The following DAAM1 variants were observed in gnomAD, a reference collection of about 807,000 sequenced individuals.
The protein encoded by DAAM1 is dishevelled associated activator of morphogenesis 1, also known as disheveled-associated activator of morphogenesis 1.
In DAAM1, 52 loss-of-function variants were observed where a neutral mutation model predicts 130.0. The ratio of observed to expected loss-of-function variants is 0.40; its 90% confidence interval spans 0.32 to 0.50. The LOEUF is 0.50. Ranked by LOEUF, DAAM1 falls within the 20% of genes least tolerant of loss-of-function variation. The probability of loss-of-function intolerance (pLI) is 0.61; values close to 1 mark genes in which losing one functional copy is unlikely to be tolerated. For missense variants in DAAM1, 1,134 were observed against 1,303.8 expected, an observed-to-expected ratio of 0.87 and a Z score of 2.01; for synonymous variants, 452 against 444.5, an observed-to-expected ratio of 1.02 and a Z score of -0.21.
intron 2 of DAAM1, among the ~76,000 whole-genome samples, chr14:59,280,428 C>G (rs997609148): frequency 2.6e-5 from 4 of 151,928 alleles, no homozygotes; most frequent in African/African-American, 9.7e-5. Flanking sequence ...GAGAGAGACC[C>G]TATCTCTAAA....
Position 59,360,818 on chromosome 14 carries a change from A to G in DAAM1, c.2650A>G (p.Lys884Glu). The G allele has an allele frequency of 6.2e-7, 1 of 1,614,006 alleles. No individual in the cohort carries two copies. The highest frequency in any genetic ancestry group is 8.5e-7 in the Non-Finnish European group (1 of 1,179,940). Residue 884 changes from lysine (K) to glutamate (E), a missense_variant, in exon 22 of 25, where the codon AAA (lysine) becomes GAA (glutamate). This residue lies in a region of DAAM1 where 644 missense variants were observed against 695.9 expected (regional missense o/e 0.93). Coordinates refer to ENST00000360909, the MANE Select transcript of DAAM1 (RefSeq NM_001270520.2). ...TTACAACAGCATGACTGAGCTGGAC[A>G]AAGAAATAAGTACCTTGAGAAGTGG... is the stretch of plus-strand genomic sequence containing the variant. ...AAKVNMTELDKEISTLRSGLK... is the reference protein window; with the variant it reads ...AAKVNMTELDEEISTLRSGLK...
intron 23 of DAAM1, among the ~76,000 whole-genome samples, chr14:59,364,596 T>TTACTC (rs1375154938): frequency 6.6e-6 from 1 of 152,194 alleles, no homozygotes; most frequent in Non-Finnish European, 1.5e-5. Context: ...ATTGGTTCTT[T>TTACTC]TACTCTACCC....
chr14:59,336,706 T>C (rs867115821), intron 15 of DAAM1, among the ~76,000 whole-genome samples: 21 of 152,176 alleles, frequency 1.4e-4, no homozygotes, highest in African/African-American at 4.8e-4. Flanking sequence ...TGGTCACAAA[T>C]TGGAGATCTT....
intron 20 of DAAM1, among the ~76,000 whole-genome samples, chr14:59,356,394 T>G (rs911406236): frequency 6.6e-6 from 1 of 152,240 alleles, no homozygotes; most frequent in Non-Finnish European, 1.5e-5. Flanking sequence ...CACCTTATTT[T>G]TAATGTAAAC....
chr14:59,326,758 A>C, intron 11 of DAAM1, 110 bp downstream of exon 11: 2 of 1,535,722 alleles, frequency 1.3e-6, no homozygotes, highest in Admixed American at 3.8e-5. Context: ...CTAGGGGTCA[A>C]ATATGAGTTA....
At chr14:59,318,452 A>C (rs1426925177) in intron 4 of DAAM1, among the ~76,000 whole-genome samples, 1 of 150,484 alleles carries the variant, frequency 6.6e-6, no homozygotes, top group Non-Finnish European at 1.5e-5. Context: ...AAGTGCATAG[A>C]GCATTCAAAG....
intron 1 of DAAM1, among the ~76,000 whole-genome samples, chr14:59,261,112 T>G (rs1882141408): frequency 6.6e-6 from 1 of 152,196 alleles, no homozygotes; most frequent in Non-Finnish European, 1.5e-5. Flanking sequence ...CAGCACAGTC[T>G]ATACTATACC....
intron 1 of DAAM1, among the ~76,000 whole-genome samples, chr14:59,203,397 A>T (rs1270403307): frequency 6.6e-6 from 1 of 152,110 alleles, no homozygotes; most frequent in Non-Finnish European, 1.5e-5. Context: ...ATATGGATGA[A>T]TTTTATGGTA....
At chr14:59,250,288 A>C (rs2139480248) in intron 1 of DAAM1, among the ~76,000 whole-genome samples, 1 of 152,358 alleles carries the variant, frequency 6.6e-6, no homozygotes, top group Non-Finnish European at 1.5e-5. Context: ...TGGTCCCTGC[A>C]ACCTTGGGAA....
Position 59,323,242 on chromosome 14 carries a change from C to A in DAAM1, c.774+17C>A. 1 of 1,571,146 alleles carries A rather than the reference C, an allele frequency of 6.4e-7. No individual in the cohort carries two copies. The highest frequency in any genetic ancestry group is 8.6e-7 in the Non-Finnish European group (1 of 1,156,740). ...CGCTTTCAGGTGGGTGTTCGCTCAG[C>A]CTTCTTCACTCACCCCTTCTTTAAA... is the stretch of plus-strand genomic sequence containing the variant. On this transcript the variant is annotated intron_variant, in intron 6 of 24. Coordinates refer to ENST00000360909, the MANE Select transcript of DAAM1 (RefSeq NM_001270520.2).
intron 1 of DAAM1, among the ~76,000 whole-genome samples, chr14:59,200,936 C>T (rs771769998): frequency 9.9e-5 from 15 of 151,882 alleles, no homozygotes; most frequent in South Asian, 8.3e-4. Flanking sequence ...CCAAGGCGGG[C>T]GGATCACGAG....
Position 59,222,617 on chromosome 14 carries a change from G to A in DAAM1, c.-38+33849G>A, listed in dbSNP as rs141251034. ...CCACTTTGTTCATGAGCCACTGGGC[G>A]ATGACAAGTGGCTGGGAAAAGAGGC... On this transcript the variant is annotated intron_variant, in intron 1 of 24. Coordinates refer to ENST00000360909, the MANE Select transcript of DAAM1 (RefSeq NM_001270520.2). Among the ~76,000 whole-genome samples, 285 of 152,288 alleles carry A rather than the reference G, an allele frequency of 1.9e-3. 1 individual carries two copies. The highest frequency in any genetic ancestry group is 6.4e-3 in the African/African-American group (264 of 41,566).
chr14:59,272,803 T>C (rs1882785412), intron 2 of DAAM1, among the ~76,000 whole-genome samples: 2 of 152,140 alleles, frequency 1.3e-5, no homozygotes, highest in South Asian at 2.1e-4. Flanking sequence ...AATGTAGATA[T>C]GGGCTTAAAT....
rs61984488 is a variant in DAAM1 at position 59,311,549 on chromosome 14, A to G, written c.274-3731A>G. 7.2e-3 allele frequency among the ~76,000 whole-genome samples: 1,032 copies of G among 143,558 alleles called. 6 individuals carry two copies. Among genetic ancestry groups the G allele is most frequent in the Middle Eastern group, 0.039 (11 of 282 alleles). The allele number at this position is 143,558 out of a possible 152,430, so 94.2% of individuals were successfully genotyped here. On this transcript the variant is annotated intron_variant, in intron 3 of 24. Coordinates refer to ENST00000360909, the MANE Select transcript of DAAM1 (RefSeq NM_001270520.2). ...AAAAATTTGCATGGTATAGAAGTTT[A>G]TAAGTTAAAAAAAAAAAAAAAGAAA...
rs1488391051 is a variant in DAAM1, at chr14:59,370,113, G to GTGAT, written c.*1255_*1258dup. The GTGAT allele has an allele frequency of 2.8e-5, 4 of 141,644 alleles. No homozygotes were observed. The highest frequency in any genetic ancestry group is 2.3e-4 in the South Asian group (1 of 4,338). The allele number at this position is 141,644 out of a possible 1,614,324, so 8.8% of individuals were successfully genotyped here. ...CCAACTCTTAATATCCTTAAATTAT[G>GTGAT]TGATATATAAAGAGGACTGTTACTT... On this transcript the variant is annotated 3_prime_UTR_variant, in exon 25 of 25. Coordinates refer to ENST00000360909, the MANE Select transcript of DAAM1 (RefSeq NM_001270520.2).
Position 59,196,580 on chromosome 14 carries a change from A to G in DAAM1, c.-38+7812A>G, listed in dbSNP as rs12323331. On this transcript the variant is annotated intron_variant, in intron 1 of 24. Coordinates refer to ENST00000360909, the MANE Select transcript of DAAM1 (RefSeq NM_001270520.2). Reference sequence around the variant, plus strand: ...AACACGGTGAAACCCCATCTCTACTAAAATTACAAAAAATTAGCCGGGCGT... The same window carrying G: ...AACACGGTGAAACCCCATCTCTACTGAAATTACAAAAAATTAGCCGGGCGT... Among the ~76,000 whole-genome samples the G allele has an allele frequency of 2.7e-3, 413 of 152,204 alleles. 2 individuals are homozygous for G. The highest frequency in any genetic ancestry group is 9.5e-3 in the African/African-American group (394 of 41,532).
chr14:59,214,391 C>G (rs1888515088), intron 1 of DAAM1, among the ~76,000 whole-genome samples: 1 of 152,238 alleles, frequency 6.6e-6, no homozygotes, highest in Non-Finnish European at 1.5e-5. Context: ...CTTCCTTGCT[C>G]TCCTCAGGAA....
chr14:59,283,693 T>A (rs1883318124), intron 2 of DAAM1, among the ~76,000 whole-genome samples: 1 of 152,094 alleles, frequency 6.6e-6, no homozygotes, highest in Admixed American at 6.6e-5. Context: ...CTCCTGGAGA[T>A]GAGGATATAG....
chr14:59,273,810 G>T (rs923021712), intron 2 of DAAM1, among the ~76,000 whole-genome samples: 2 of 152,192 alleles, frequency 1.3e-5, no homozygotes, highest in African/African-American at 4.8e-5. Flanking sequence ...CTGGTAGTTT[G>T]TGCAATTAAC....
Sources: allele counts gnomAD v4.1 joint callset (sites outside exome capture counted in the v4.1 genomes callset), GRCh38; gene constraint gnomAD v4.1.1; regional missense constraint gnomAD v4.1.1; transcripts MANE v1.5; gene names NCBI Gene and HGNC (gene_info 2026-07-23, HGNC 2026-07-21).